The following MAGI3 variants were observed in gnomAD, a reference collection of about 807,000 sequenced individuals.
MAGI3 encodes the protein membrane associated guanylate kinase, WW and PDZ domain containing 3.
Under a neutral mutation model 121.8 loss-of-function variants are expected in MAGI3, and 43 were observed. That is an observed-to-expected ratio of 0.35 (90% confidence interval 0.28 to 0.46). The LOEUF is 0.46. MAGI3 is among the 20% of genes least tolerant of loss of function. The pLI, the probability that MAGI3 is intolerant of heterozygous loss-of-function variation, is 1.00. For missense variants in MAGI3, 1,547 were observed against 1,797.3 expected, an observed-to-expected ratio of 0.86 and a Z score of 2.52; for synonymous variants, 553 against 639.3, an observed-to-expected ratio of 0.86 and a Z score of 2.04.
At chr1:113,478,601 T>A (rs1443977694) in intron 1 of MAGI3, among the ~76,000 whole-genome samples, 3 of 152,208 alleles carry the variant, frequency 2.0e-5, no homozygotes, top group Non-Finnish European at 4.4e-5. Flanking sequence ...TATTGCTGCC[T>A]GATCCTTCCT....
At chr1:113,562,094 C>T (rs868230848) in intron 2 of MAGI3, among the ~76,000 whole-genome samples, 4 of 152,206 alleles carry the variant, frequency 2.6e-5, no homozygotes, top group East Asian at 1.9e-4. Context: ...GAACTACAAA[C>T]GACTGCTCAA....
chr1:113,644,657 C>T (rs1652734085), intron 11 of MAGI3, among the ~76,000 whole-genome samples: 2 of 152,184 alleles, frequency 1.3e-5, no homozygotes, highest in Admixed American at 1.3e-4. Flanking sequence ...AGACCTGAAA[C>T]AGTGTCTTCT....
rs77624151 is a variant in MAGI3 at position 113,533,785 on chromosome 1, CTTTTTTTT to C, written c.317-15722_317-15715del. Reference sequence around the variant, plus strand: ...GACTGTTTAAATATCTTTTCTTTTTCTTTTTTTTTTTTTTTGGAATCAGATTCCCCGTC... The same window carrying C: ...GACTGTTTAAATATCTTTTCTTTTTCTTTTTTTGGAATCAGATTCCCCGTC... On this transcript the variant is annotated intron_variant, in intron 1 of 20. Transcript: ENST00000307546. 3.0e-5 allele frequency among the ~76,000 whole-genome samples: 4 copies of C among 135,296 alleles called. No homozygotes were observed. In the East Asian group the frequency reaches 8.5e-4, roughly 29 times the overall value. The allele number at this position is 135,296 out of a possible 152,430, so 88.8% of individuals were successfully genotyped here.
chr1:113,676,111 T>C (rs1647852738), intron 19 of MAGI3, among the ~76,000 whole-genome samples: 1 of 151,968 alleles, frequency 6.6e-6, no homozygotes, highest in South Asian at 2.1e-4. Flanking sequence ...ACTTTACATC[T>C]GTGTTTCAAT....
At chr1:113,440,486 G>GA (rs892942763) in intron 1 of MAGI3, among the ~76,000 whole-genome samples, 1 of 152,138 alleles carries the variant, frequency 6.6e-6, no homozygotes, top group Non-Finnish European at 1.5e-5. Flanking sequence ...TATTAGAAGA[G>GA]AAAAAACCCT....
chr1:113,615,126 G>A (rs1158032727), intron 7 of MAGI3, among the ~76,000 whole-genome samples: 1 of 152,182 alleles, frequency 6.6e-6, no homozygotes, highest in Non-Finnish European at 1.5e-5. Flanking sequence ...GGAAAACTTA[G>A]TATTCTTTTT....
chr1:113,677,121 G>A lies in MAGI3; in HGVS notation c.3189+3656G>A, dbSNP rs961804124. Among the ~76,000 whole-genome samples, 124 of 152,184 alleles carry A rather than the reference G, an allele frequency of 8.1e-4. 1 individual carries two copies. The highest frequency in any genetic ancestry group is 2.7e-3 in the African/African-American group (113 of 41,534). On this transcript the variant is annotated intron_variant, in intron 19 of 20. Transcript: ENST00000307546. ...ATTGAGAGGTTCTTCCTTTCGGTCT[G>A]GTTAAGATTTAGAGAGGAGAGAGAA...
At chr1:113,573,255 C>T (rs1200647084) in intron 2 of MAGI3, among the ~76,000 whole-genome samples, 1 of 152,164 alleles carries the variant, frequency 6.6e-6, no homozygotes, top group African/African-American at 2.4e-5. Context: ...TTTGTTTGCT[C>T]TTGCTTCTCT....
intron 2 of MAGI3, among the ~76,000 whole-genome samples, chr1:113,575,722 C>T (rs997945775): frequency 1.3e-5 from 2 of 152,186 alleles, no homozygotes; most frequent in Non-Finnish European, 2.9e-5. Flanking sequence ...GAGCAGTGTG[C>T]TGGGAGATCT....
intron 20 of MAGI3, 56 bp from the exon 21 acceptor site, chr1:113,682,841 T>G: frequency 6.8e-7 from 1 of 1,480,844 alleles, no homozygotes. Context: ...CAAAACGTAT[T>G]GTTCCTATTT....
intron 1 of MAGI3, among the ~76,000 whole-genome samples, chr1:113,457,097 T>C (rs1654798225): frequency 1.3e-5 from 2 of 152,202 alleles, no homozygotes; most frequent in African/African-American, 2.4e-5. Flanking sequence ...AGCTCCTTTG[T>C]GTTTTACTAG....
chr1:113,459,028 CA>C (rs1654903863), intron 1 of MAGI3, among the ~76,000 whole-genome samples: 1 of 152,068 alleles, frequency 6.6e-6, no homozygotes, highest in African/African-American at 2.4e-5. Flanking sequence ...ATATAATCAT[CA>C]ATTGCTATAT....
chr1:113,434,678 T>G (rs1371462041), intron 1 of MAGI3, among the ~76,000 whole-genome samples: 2 of 152,194 alleles, frequency 1.3e-5, no homozygotes, highest in South Asian at 2.1e-4. Flanking sequence ...GATTAAAAAT[T>G]TATCTCCTAA....
chr1:113,391,353 C>T lies in MAGI3; in HGVS notation c.316+4C>T, dbSNP rs1411154585. 2 of 1,586,952 alleles carry T rather than the reference C, an allele frequency of 1.3e-6. No homozygotes were observed. Among genetic ancestry groups the T allele is most frequent in the African/African-American group, 2.7e-5 (2 of 74,114 alleles). On this transcript the variant is annotated splice_donor_region_variant and intron_variant, in intron 1 of 20. Transcript: ENST00000307546. This position sits in a 1 kb window ranked among gnomAD's most constrained non-coding sequence, Gnocchi z 4.4. ...CGTCTCAAGACTGTGAAACCAGGTA[C>T]GCCGGCCCTGCGTATCTGTCTCGGG...
intron 1 of MAGI3, among the ~76,000 whole-genome samples, chr1:113,442,788 T>G (rs1446840280): frequency 6.6e-6 from 1 of 152,134 alleles, no homozygotes; most frequent in African/African-American, 2.4e-5. Context: ...TAGTTTAGAT[T>G]CTTCATCATC....
chr1:113,398,692 C>A (rs1230499138), intron 1 of MAGI3, among the ~76,000 whole-genome samples: 1 of 151,944 alleles, frequency 6.6e-6, no homozygotes. Flanking sequence ...AGGAAAATAT[C>A]CTACAAGGTA....
chr1:113,560,707 A>C (rs960655912), intron 2 of MAGI3, among the ~76,000 whole-genome samples: 3 of 152,208 alleles, frequency 2.0e-5, no homozygotes, highest in Admixed American at 1.3e-4. Flanking sequence ...AACTAAAAGA[A>C]CTAGAGAACC....
rs1650738302 is a variant in MAGI3, at chr1:113,390,770, TC to T, written c.-262del. Reference sequence around the variant, plus strand: ...GAACCTCCTGGGGACAATTCCCTTTTCCTTTCTTCAGCCTAACCCGCGGTGG... The same window carrying T: ...GAACCTCCTGGGGACAATTCCCTTTTCTTTCTTCAGCCTAACCCGCGGTGG... On this transcript the variant is annotated 5_prime_UTR_variant, in exon 1 of 21. Coordinates refer to ENST00000307546, the MANE Select transcript of MAGI3 (RefSeq NM_001142782.2). The T allele has an allele frequency of 5.0e-6, 1 of 200,920 alleles. No individual in the cohort carries two copies. The allele number at this position is 200,920 out of a possible 1,614,324, so 12.4% of individuals were successfully genotyped here. A position where few individuals can be genotyped will look rare whatever the true frequency, so the allele number is the denominator to read the frequency against.
intron 6 of MAGI3, among the ~76,000 whole-genome samples, chr1:113,602,954 ATGTG>A: frequency 1.3e-5 from 2 of 152,004 alleles, no homozygotes; most frequent in African/African-American, 4.8e-5. Flanking sequence ...AAGTGTGTGT[ATGTG>A]TATGTATACA....
Sources: gnomAD v4.1 joint callset for allele counts (sites outside exome capture counted in the v4.1 genomes callset) on GRCh38, gnomAD v4.1.1 for gene constraint, Gnocchi (gnomAD v3.1) non-coding constraint, MANE v1.5 for transcripts, NCBI Gene and HGNC (gene_info 2026-07-23, HGNC 2026-07-21) for gene names.